The following ADAMTSL1 variants were observed in gnomAD, a reference collection of about 807,000 sequenced individuals.
ADAMTSL1 encodes the protein ADAMTS like 1, also known as ADAMTS-like protein 1.
In ADAMTSL1, 126 loss-of-function variants were observed where a neutral mutation model predicts 201.8. The ratio of observed to expected loss-of-function variants is 0.62; its 90% confidence interval spans 0.54 to 0.72. ADAMTSL1 has a LOEUF of 0.72. Ranked by LOEUF, ADAMTSL1 falls within the 30% of genes least tolerant of loss-of-function variation. The pLI is 0.00. For missense variants in ADAMTSL1, 2,679 were observed against 2,277.8 expected, an observed-to-expected ratio of 1.18 and a Z score of -3.59; for synonymous variants, 1,121 against 903.4, an observed-to-expected ratio of 1.24 and a Z score of -4.32.
At chr9:18,735,168 A>C (rs1053685951) in intron 15 of ADAMTSL1, among the ~76,000 whole-genome samples, 4 of 152,250 alleles carry the variant, frequency 2.6e-5, no homozygotes, top group African/African-American at 9.6e-5. Flanking sequence ...CCAAGAAGAC[A>C]GGGAAATGTA....
intron 2 of ADAMTSL1, among the ~76,000 whole-genome samples, chr9:18,231,257 G>A (rs1830636015): frequency 6.6e-6 from 1 of 152,002 alleles, no homozygotes; most frequent in Admixed American, 6.6e-5. Context: ...TTTCATTTCT[G>A]CTCCTCCCTA....
At chr9:18,546,169 T>C (rs1171694001) in intron 3 of ADAMTSL1, among the ~76,000 whole-genome samples, 1 of 152,216 alleles carries the variant, frequency 6.6e-6, no homozygotes, top group African/African-American at 2.4e-5. Context: ...GAGGTTTGGC[T>C]ATATTTTTCT....
At chr9:18,173,322 T>C (rs1827989690) in intron 2 of ADAMTSL1, among the ~76,000 whole-genome samples, 1 of 152,084 alleles carries the variant, frequency 6.6e-6, no homozygotes, top group Non-Finnish European at 1.5e-5. Context: ...CACAATATAA[T>C]TAAGCAATAG....
At chr9:18,095,678 C>T (rs754134107) in intron 1 of ADAMTSL1, among the ~76,000 whole-genome samples, 1 of 152,164 alleles carries the variant, frequency 6.6e-6, no homozygotes, top group Non-Finnish European at 1.5e-5. Context: ...CCCGCCTCAG[C>T]CTCCCAAAGT....
chr9:18,079,758 A>G (rs1383615442), intron 1 of ADAMTSL1, among the ~76,000 whole-genome samples: 1 of 152,138 alleles, frequency 6.6e-6, no homozygotes, highest in African/African-American at 2.4e-5. Context: ...CCATTGGTAC[A>G]TGTCTGAAGA....
intron 15 of ADAMTSL1, among the ~76,000 whole-genome samples, chr9:18,732,109 C>G (rs1278224563): frequency 6.6e-6 from 1 of 152,174 alleles, no homozygotes; most frequent in Non-Finnish European, 1.5e-5. Flanking sequence ...CTAGTTCCTA[C>G]CTCATAGAGC....
intron 3 of ADAMTSL1, among the ~76,000 whole-genome samples, chr9:18,563,993 C>T (rs1821712440): frequency 6.6e-6 from 1 of 152,198 alleles, no homozygotes; most frequent in African/African-American, 2.4e-5. Flanking sequence ...GGCTCCCTGG[C>T]TTCGGTGCCC....
chr9:18,884,374 T>C (rs1391405258), intron 23 of ADAMTSL1, among the ~76,000 whole-genome samples: 1 of 152,218 alleles, frequency 6.6e-6, no homozygotes, highest in Non-Finnish European at 1.5e-5. Context: ...AGTTGCTTTT[T>C]CACTCACTTG....
intron 2 of ADAMTSL1, among the ~76,000 whole-genome samples, chr9:18,340,830 G>C (rs1180878129): frequency 6.6e-6 from 1 of 152,118 alleles, no homozygotes; most frequent in Non-Finnish European, 1.5e-5. Flanking sequence ...GAAACTGTGA[G>C]TCCATTAAAC....
intron 23 of ADAMTSL1, among the ~76,000 whole-genome samples, chr9:18,865,248 T>TTC (rs1295545724): frequency 6.6e-6 from 1 of 152,006 alleles, no homozygotes; most frequent in Admixed American, 6.5e-5. Context: ...TGTCCAAGTG[T>TTC]TCTCATTGTT....
intron 23 of ADAMTSL1, among the ~76,000 whole-genome samples, chr9:18,855,280 G>C (rs1024448804): frequency 6.6e-6 from 1 of 152,192 alleles, no homozygotes; most frequent in East Asian, 1.9e-4. Flanking sequence ...TGGGGTTTTT[G>C]TGTAACTGTT....
At chr9:18,737,607 A>C (rs1269841452) in intron 15 of ADAMTSL1, among the ~76,000 whole-genome samples, 1 of 152,238 alleles carries the variant, frequency 6.6e-6, no homozygotes, top group Non-Finnish European at 1.5e-5. Flanking sequence ...AAAAAGCCAG[A>C]GTGGTAAGAA....
At chr9:18,809,690 G>A (rs1170854573) in intron 20 of ADAMTSL1, among the ~76,000 whole-genome samples, 1 of 152,168 alleles carries the variant, frequency 6.6e-6, no homozygotes, top group Non-Finnish European at 1.5e-5. Context: ...TCGGGAGACT[G>A]AGGCAGGAGA....
intron 7 of ADAMTSL1, among the ~76,000 whole-genome samples, chr9:18,645,385 T>G (rs1020824005): frequency 2.6e-4 from 40 of 152,248 alleles, no homozygotes; most frequent in African/African-American, 8.9e-4. Flanking sequence ...AGAAGCTCTT[T>G]AGTTTAATTA....
At chr9:17,939,489 C>A (rs554845713) in intron 1 of ADAMTSL1, among the ~76,000 whole-genome samples, 1 of 151,988 alleles carries the variant, frequency 6.6e-6, no homozygotes, top group Non-Finnish European at 1.5e-5. Context: ...ATTCAGAAAT[C>A]TGTAATATTC....
At chr9:18,848,951 G>T (rs1826305883) in intron 23 of ADAMTSL1, among the ~76,000 whole-genome samples, 3 of 152,180 alleles carry the variant, frequency 2.0e-5, no homozygotes, top group Non-Finnish European at 4.4e-5. Flanking sequence ...AAGAGATTTT[G>T]CCAACTAATG....
chr9:18,248,037 G>C (rs1671282265), intron 2 of ADAMTSL1, among the ~76,000 whole-genome samples: 1 of 152,076 alleles, frequency 6.6e-6, no homozygotes, highest in African/African-American at 2.4e-5. Context: ...TCATTCAAAA[G>C]GTTTCTCATT....
chr9:18,906,107 C>A (rs954854714), intron 27 of ADAMTSL1, among the ~76,000 whole-genome samples: 5 of 152,164 alleles, frequency 3.3e-5, no homozygotes, highest in Non-Finnish European at 5.9e-5. Flanking sequence ...GCTTTTCTCT[C>A]TTAGTGATGA....
intron 2 of ADAMTSL1, among the ~76,000 whole-genome samples, chr9:18,365,355 C>T (rs987428274): frequency 1.3e-5 from 2 of 152,122 alleles, no homozygotes; most frequent in African/African-American, 2.4e-5. Context: ...AAGCAGCACA[C>T]TCTTTAGAGA....
Sources: gnomAD v4.1 joint callset for allele counts (sites outside exome capture counted in the v4.1 genomes callset) on GRCh38, gnomAD v4.1.1 for gene constraint, MANE v1.5 for transcripts, NCBI Gene and HGNC (gene_info 2026-07-23, HGNC 2026-07-21) for gene names.